The following KDM2B variants were observed in gnomAD, a reference collection of about 807,000 sequenced individuals.
KDM2B encodes the protein lysine demethylase 2B, also known as lysine-specific demethylase 2B.
A neutral mutation model predicts 150.0 loss-of-function variants in KDM2B; 26 were observed. The observed-to-expected ratio is 0.17, with a 90% CI of 0.13 to 0.24. The LOEUF (loss-of-function observed/expected upper bound fraction) is 0.24, where lower values mean the gene tolerates loss of function less well. Ranked by LOEUF, KDM2B falls within the 10% of genes least tolerant of loss-of-function variation. The probability of loss-of-function intolerance (pLI) is 1.00; values close to 1 mark genes in which losing one functional copy is unlikely to be tolerated. For missense variants in KDM2B, 1,265 were observed against 1,816.9 expected, an observed-to-expected ratio of 0.70 and a Z score of 5.52; for synonymous variants, 734 against 729.5, an observed-to-expected ratio of 1.01 and a Z score of -0.10.
At chr12:121,486,269 C>G (rs1301246934) in intron 12 of KDM2B, among the ~76,000 whole-genome samples, 27 of 149,334 alleles carry the variant, frequency 1.8e-4, no homozygotes, top group African/African-American at 6.7e-4. Context: ...CCACCATGCC[C>G]GGCTAATTTT....
intron 19 of KDM2B, among the ~76,000 whole-genome samples, 166 bp downstream of exon 19, chr12:121,441,991 A>G (rs1179079116): frequency 6.6e-6 from 1 of 152,208 alleles, no homozygotes; most frequent in East Asian, 1.9e-4. Flanking sequence ...ACCTCCTCTG[A>G]CAAGACCAGA....
At chr12:121,417,784 C>T in the KDM2B span, 2 of 1,614,156 alleles carry the variant, frequency 1.2e-6, no homozygotes, top group Non-Finnish European at 1.7e-6. The surrounding 1 kb of genome is among the most constrained non-coding windows in gnomAD (Gnocchi z 5.0). Flanking sequence ...TCTTCAAGGT[C>T]CCAGACTTCT....
intron 6 of KDM2B, among the ~76,000 whole-genome samples, chr12:121,544,614 C>G (rs535898081): frequency 3.3e-4 from 48 of 146,940 alleles, no homozygotes; most frequent in Non-Finnish European, 6.1e-4. Flanking sequence ...CGTCCCCCCC[C>G]AAAAAAAGAA....
At chr12:121,580,216 G>A (rs1295950269) in intron 1 of KDM2B, 41 of 1,411,436 alleles carry the variant, frequency 2.9e-5, no homozygotes, top group Middle Eastern at 2.2e-4. Context: ...AGGCAGATCC[G>A]TTTGCAAAGT....
At chr12:121,428,621 C>G (rs1466486538), downstream of KDM2B, among the ~76,000 whole-genome samples, 3 of 152,210 alleles carry the variant, frequency 2.0e-5, no homozygotes, top group Non-Finnish European at 2.9e-5. Flanking sequence ...GTTACTTTCT[C>G]CATCTTCAGA....
chr12:121,440,826 G>A lies in KDM2B; in HGVS notation c.3600C>T (p.Asp1200=), dbSNP rs1555287991. The A allele has an allele frequency of 1.9e-6, 3 of 1,610,870 alleles. No individual in the cohort carries two copies. Among genetic ancestry groups the A allele is most frequent in the African/African-American group, 1.3e-5 (1 of 74,882 alleles). Reference sequence around the variant, plus strand: ...AGCCTGGCAACTCACCTGGCCTGTTGTCTGTGGGCGGGGACAGGAGATCCC... The same window carrying A: ...AGCCTGGCAACTCACCTGGCCTGTTATCTGTGGGCGGGGACAGGAGATCCC... The part of the protein sequence containing the change: ...QMRDLLSPPT[D]NRPGQMDNRS... The change falls in exon 21 of 23, where the codon GAC becomes GAT. Residue 1200 remains aspartate, a synonymous_variant. Coordinates refer to ENST00000377071, the MANE Select transcript of KDM2B (RefSeq NM_032590.5).
intron 8 of KDM2B, among the ~76,000 whole-genome samples, chr12:121,529,132 T>C (rs1555307395): frequency 6.6e-6 from 1 of 152,170 alleles, no homozygotes; most frequent in Non-Finnish European, 1.5e-5. Flanking sequence ...AACAAGATAA[T>C]CCCTCCATGA....
At chr12:121,502,913 A>G (rs1450765099) in intron 11 of KDM2B, among the ~76,000 whole-genome samples, 19 of 151,782 alleles carry the variant, frequency 1.3e-4, no homozygotes, top group African/African-American at 4.6e-4. Context: ...TGACAGAGCA[A>G]AAGACTCCAT....
chr12:121,438,777 A>G (rs1555287389), intron 22 of KDM2B, among the ~76,000 whole-genome samples: 1 of 152,110 alleles, frequency 6.6e-6, no homozygotes, highest in East Asian at 1.9e-4. Flanking sequence ...GCTGTGTGAA[A>G]AATGTAATTT....
At chr12:121,460,318 T>G (rs2139148784) in intron 12 of KDM2B, among the ~76,000 whole-genome samples, 1 of 152,372 alleles carries the variant, frequency 6.6e-6, no homozygotes, top group South Asian at 2.1e-4. Context: ...CATTAAAAAC[T>G]AACATCTAGG....
intron 11 of KDM2B, among the ~76,000 whole-genome samples, chr12:121,500,303 G>A (rs564040512): frequency 1.3e-5 from 2 of 152,112 alleles, no homozygotes; most frequent in East Asian, 3.9e-4. Flanking sequence ...GCCCCCTAAG[G>A]GTTACACCTT....
intron 6 of KDM2B, among the ~76,000 whole-genome samples, chr12:121,539,418 G>A (rs1300518993): frequency 2.6e-5 from 4 of 150,952 alleles, no homozygotes; most frequent in African/African-American, 9.8e-5. Flanking sequence ...GCCGGACCAG[G>A]CTATCCACAT....
At chr12:121,487,205 C>G (rs1481320203) in intron 12 of KDM2B, among the ~76,000 whole-genome samples, 1 of 152,076 alleles carries the variant, frequency 6.6e-6, no homozygotes, top group Non-Finnish European at 1.5e-5. Flanking sequence ...ACTGGGGCAT[C>G]CTTTTGCCAC....
At chr12:121,479,959 C>A (rs1006471806) in intron 12 of KDM2B, among the ~76,000 whole-genome samples, 5 of 152,040 alleles carry the variant, frequency 3.3e-5, no homozygotes, top group African/African-American at 1.2e-4. Context: ...GCTGTTCTCA[C>A]CCTGCCTAGA....
At chr12:121,558,542 C>G (rs781843536) in intron 4 of KDM2B, among the ~76,000 whole-genome samples, 2 of 151,898 alleles carry the variant, frequency 1.3e-5, no homozygotes, top group African/African-American at 4.8e-5. Context: ...CAGCCTCCGC[C>G]TCTTGGGTTC....
chr12:121,476,927 G>A (rs1165553617), intron 12 of KDM2B, among the ~76,000 whole-genome samples: 1 of 152,238 alleles, frequency 6.6e-6, no homozygotes, highest in Non-Finnish European at 1.5e-5. Flanking sequence ...GGCAAGAAGT[G>A]AAGCCCTCAC....
chr12:121,563,700 C>T (rs1012656971), intron 4 of KDM2B, among the ~76,000 whole-genome samples: 2 of 151,906 alleles, frequency 1.3e-5, no homozygotes, highest in African/African-American at 2.4e-5. Context: ...AGGCAGATCA[C>T]CTGAGGTCAG....
At chr12:121,439,556 T>C (rs782521805) in intron 22 of KDM2B, among the ~76,000 whole-genome samples, 1 of 146,002 alleles carries the variant, frequency 6.8e-6, no homozygotes, top group Non-Finnish European at 1.5e-5. Context: ...AATTTTTGTA[T>C]TTTTTTGTAG....
the KDM2B span, chr12:121,420,512 TGA>T: frequency 6.3e-7 from 1 of 1,578,312 alleles, no homozygotes. Context: ...GGGCCAGTGA[TGA>T]GTTTAGAGTG....
Sources: gnomAD v4.1 joint callset for allele counts (sites outside exome capture counted in the v4.1 genomes callset) on GRCh38, gnomAD v4.1.1 for gene constraint, Gnocchi (gnomAD v3.1) non-coding constraint, MANE v1.5 for transcripts, NCBI Gene and HGNC (gene_info 2026-07-23, HGNC 2026-07-21) for gene names.